The following ANKRD11 variants were observed in gnomAD, a reference collection of about 807,000 sequenced individuals.
The protein encoded by ANKRD11 is ankyrin repeat domain 11.
A neutral mutation model predicts 195.7 loss-of-function variants in ANKRD11; 17 were observed. The ratio of observed to expected loss-of-function variants is 0.09; its 90% CI spans 0.06 to 0.13. The LOEUF (loss-of-function observed/expected upper bound fraction) is 0.13, where lower values mean the gene tolerates loss of function less well. Ranked by LOEUF, ANKRD11 falls within the 10% of genes least tolerant of loss-of-function variation. ANKRD11 has a pLI of 1.00. For missense variants in ANKRD11, 3,735 were observed against 3,566.1 expected (o/e 1.05, Z -1.21); for synonymous variants, 1,953 against 1,528.1 (o/e 1.28, Z -6.49).
intron 2 of ANKRD11, among the ~76,000 whole-genome samples, chr16:89,328,403 A>G (rs2037849297): frequency 6.6e-6 from 1 of 152,252 alleles, no homozygotes; most frequent in Admixed American, 6.5e-5. Context: ...GAATGTTCAC[A>G]GAACTTTCAC....
In ANKRD11 at chr16:89,288,519, G is replaced by A. The variant is rs1312180952; in HGVS notation, c.744+9C>T. 1 of 1,614,122 alleles carries A rather than the reference G, an allele frequency of 6.2e-7. No homozygotes were observed. Among genetic ancestry groups the A allele is most frequent in the Non-Finnish European group, 8.5e-7 (1 of 1,180,036 alleles). The stretch of plus-strand genomic sequence containing the variant: ...AGGCCGGATGTGTGAAGAACGGGGG[G>A]ATGCCAACCTTGTAGTGCCCGTTGT... On this transcript the variant is annotated intron_variant, in intron 7 of 12. Transcript: ENST00000301030.
At chr16:89,456,600 A>T (rs2056447761) in intron 1 of ANKRD11, among the ~76,000 whole-genome samples, 1 of 152,100 alleles carries the variant, frequency 6.6e-6, no homozygotes, top group South Asian at 2.1e-4. Context: ...GGATGGGTAA[A>T]CACCCTGCCT....
At chr16:89,393,308 ATT>A (rs150301440) in intron 2 of ANKRD11, among the ~76,000 whole-genome samples, 1 of 145,146 alleles carries the variant, frequency 6.9e-6, no homozygotes, top group Admixed American at 6.8e-5. Context: ...TACTTTTTTT[ATT>A]TTTATTTTTT....
At chr16:89,449,187 CAAAAAAA>C (rs397778191) in intron 1 of ANKRD11, among the ~76,000 whole-genome samples, 12 of 73,460 alleles carry the variant, frequency 1.6e-4, no homozygotes, top group South Asian at 1.2e-3. Flanking sequence ...CCAGTCTCTA[CAAAAAAA>C]AAAAAAAAAA....
At chr16:89,382,320 A>AATAT (rs148654584) in intron 2 of ANKRD11, among the ~76,000 whole-genome samples, 15 of 68,906 alleles carry the variant, frequency 2.2e-4, no homozygotes, top group African/African-American at 5.6e-4. Flanking sequence ...GAAGTCTAGA[A>AATAT]ATATATATAT....
At position 89,326,957 on chromosome 16, in the gene ANKRD11, A is replaced by G. The variant is rs141807276; in HGVS notation, c.-59-9879T>C. ...ACCAGGCGGAGACGCAGAGAAAAGC[A>G]GGTACAGCAAGAAGTCCACTGGGCA... On this transcript the variant is annotated intron_variant, in intron 2 of 12. Transcript: ENST00000301030. Among the ~76,000 whole-genome samples the G allele has an allele frequency of 4.3e-3, 658 of 152,258 alleles. 6 individuals carry two copies. Among genetic ancestry groups the G allele is most frequent in the African/African-American group, 0.015 (638 of 41,524 alleles).
chr16:89,408,954 G>C (rs887012620), intron 2 of ANKRD11, among the ~76,000 whole-genome samples: 1 of 152,152 alleles, frequency 6.6e-6, no homozygotes, highest in Non-Finnish European at 1.5e-5. Context: ...TGTGGAGTGC[G>C]GTTTCTAAAA....
intron 2 of ANKRD11, among the ~76,000 whole-genome samples, chr16:89,399,249 G>A (rs1033857909): frequency 4.6e-5 from 7 of 152,062 alleles, no homozygotes; most frequent in Non-Finnish European, 7.3e-5. Context: ...TCATTTATCC[G>A]TAAGAGAAGC....
At chr16:89,419,352 C>G (rs973743059) in intron 1 of ANKRD11, among the ~76,000 whole-genome samples, 3 of 151,318 alleles carry the variant, frequency 2.0e-5, no homozygotes, top group African/African-American at 7.3e-5. Flanking sequence ...ACTTGGGAGG[C>G]TGGGGCAGGT....
chr16:89,464,037 A>G (rs1335263188), intron 1 of ANKRD11, among the ~76,000 whole-genome samples: 6 of 152,234 alleles, frequency 3.9e-5, no homozygotes, highest in African/African-American at 1.4e-4. Context: ...TCAGGAGTTA[A>G]AGACCAGCCT....
At chr16:89,352,672 G>A (rs1395976373) in intron 2 of ANKRD11, among the ~76,000 whole-genome samples, 3 of 152,208 alleles carry the variant, frequency 2.0e-5, no homozygotes, top group African/African-American at 7.2e-5. Flanking sequence ...AGTGTTCTGT[G>A]CCTGGCCCTT....
intron 1 of ANKRD11, among the ~76,000 whole-genome samples, chr16:89,484,641 T>A (rs1469254313): frequency 6.6e-6 from 1 of 152,186 alleles, no homozygotes; most frequent in East Asian, 1.9e-4. Context: ...TAATTTTACA[T>A]AAAAAATAAC....
chr16:89,303,404 GA>G (rs556351658), intron 4 of ANKRD11, among the ~76,000 whole-genome samples: 221 of 152,320 alleles, frequency 1.5e-3, no homozygotes, highest in Admixed American at 3.8e-3. Context: ...GAGCTCCAGG[GA>G]GTCACCCAGG....
chr16:89,292,956 T>C (rs1386481595), intron 4 of ANKRD11, among the ~76,000 whole-genome samples: 1 of 152,126 alleles, frequency 6.6e-6, no homozygotes, highest in Admixed American at 6.5e-5. Context: ...GAAGCAGGCC[T>C]GCGGCTGCCT....
At chr16:89,300,937 C>G in intron 4 of ANKRD11, 1 of 696,766 alleles carries the variant, frequency 1.4e-6, no homozygotes, top group Non-Finnish European at 2.6e-6. Flanking sequence ...CGTGGCTGCC[C>G]CAGGACAAGC....
rs546204762 is a variant in ANKRD11, at chr16:89,428,162, C to T, written c.-144-9794G>A. Among the ~76,000 whole-genome samples, 7 of 151,916 alleles carry T rather than the reference C, an allele frequency of 4.6e-5. No homozygotes were observed. The South Asian group carries it at 1.2e-3, about 27-fold the overall frequency. ...GGCAGAGGTTGCAGTGAGCCAAGAT[C>T]GTGCCACTGCACTACAGCCTAGGCA... On this transcript the variant is annotated intron_variant, in intron 1 of 12. Transcript: ENST00000301030.
At chr16:89,384,196 G>A (rs570800298) in intron 2 of ANKRD11, among the ~76,000 whole-genome samples, 7 of 152,276 alleles carry the variant, frequency 4.6e-5, no homozygotes, top group Non-Finnish European at 8.8e-5. Flanking sequence ...CTCCAGCCTG[G>A]GTGACAGAGC....
intron 2 of ANKRD11, among the ~76,000 whole-genome samples, chr16:89,347,334 GCA>G (rs918847542): frequency 6.6e-6 from 1 of 152,180 alleles, no homozygotes; most frequent in African/African-American, 2.4e-5. Context: ...GTTCGGCCGG[GCA>G]CACTGGCTCA....
At chr16:89,278,848 G>A (rs1170824427) in intron 9 of ANKRD11, 1 of 760,200 alleles carries the variant, frequency 1.3e-6, no homozygotes, top group Non-Finnish European at 2.3e-6. Context: ...CCGAGGCCTG[G>A]CACGGACCAG....
Sources: allele counts gnomAD v4.1 joint callset (sites outside exome capture counted in the v4.1 genomes callset), GRCh38; gene constraint gnomAD v4.1.1; transcripts MANE v1.5; gene names NCBI Gene and HGNC (gene_info 2026-07-23, HGNC 2026-07-21).